Variants in AIM2 observed in about 807,000 individuals in gnomAD.
AIM2 encodes the protein absent in melanoma 2, also known as interferon-inducible protein AIM2.
AIM2 carries 30 observed loss-of-function variants against 27.7 expected under a neutral mutation model. The observed-to-expected ratio is 1.08, with a 90% CI of 0.81 to 1.47. The LOEUF is 1.47. Ranked by LOEUF, AIM2 falls within the 40% of genes most tolerant of loss-of-function variation. AIM2 has a pLI of 0.00. For synonymous variants in AIM2, 141 were observed against 145.3 expected (o/e 0.97, Z 0.21); for missense variants, 358 against 411.3 (o/e 0.87, Z 1.12).
chr1:159,062,757 C>T (rs755933596), intron 5 of AIM2, 39 bp from the exon 6 acceptor site: 4 of 1,596,154 alleles, frequency 2.5e-6, no homozygotes, highest in Middle Eastern at 1.7e-4. Context: ...GAGATGCAGT[C>T]GATGAGTGGC....
intron 1 of AIM2, among the ~76,000 whole-genome samples, chr1:159,096,518 G>T (rs777155739): frequency 6.6e-6 from 1 of 151,998 alleles, no homozygotes; most frequent in Non-Finnish European, 1.5e-5. Flanking sequence ...AAAATTTTAT[G>T]GATTTTGGTG....
At chr1:159,106,211 C>T (rs773737080) in intron 1 of AIM2, among the ~76,000 whole-genome samples, 10 of 152,158 alleles carry the variant, frequency 6.6e-5, no homozygotes, top group Non-Finnish European at 1.3e-4. Context: ...TGCAGCCATG[C>T]CCAGGGAGTG....
chr1:159,114,137 G>C (rs763408956), intron 1 of AIM2, among the ~76,000 whole-genome samples: 1 of 152,186 alleles, frequency 6.6e-6, no homozygotes, highest in Non-Finnish European at 1.5e-5. Context: ...TCACAACTTA[G>C]AGTAGTGGAC....
intron 1 of AIM2, among the ~76,000 whole-genome samples, chr1:159,104,484 T>C (rs1251103280): frequency 1.3e-5 from 2 of 152,250 alleles, no homozygotes; most frequent in Non-Finnish European, 2.9e-5. Context: ...CTAAATTCTA[T>C]GAAATCTATA....
At chr1:159,086,535 AC>A (rs538748022) in intron 1 of AIM2, among the ~76,000 whole-genome samples, 26 of 151,398 alleles carry the variant, frequency 1.7e-4, no homozygotes, top group African/African-American at 5.6e-4. Flanking sequence ...ATTCTTACTC[AC>A]CCCCAGGTCC....
At chr1:159,063,006 G>A (rs994417070) in intron 5 of AIM2, among the ~76,000 whole-genome samples, 4 of 152,168 alleles carry the variant, frequency 2.6e-5, no homozygotes, top group Admixed American at 2.6e-4. Context: ...ACCTGGGGAA[G>A]AGCACCAAGT....
At chr1:159,141,779 G>T (rs78838050), upstream of AIM2, among the ~76,000 whole-genome samples, 23 of 152,136 alleles carry the variant, frequency 1.5e-4, 1 homozygote, top group South Asian at 4.4e-3. Flanking sequence ...GAGCGGTGGG[G>T]GGGGACAGGG....
chr1:159,081,417 ATGC>A, upstream of AIM2: 1 of 380,278 alleles, frequency 2.6e-6, no homozygotes, highest in South Asian at 2.0e-5. Flanking sequence ...ACCTGAAATA[ATGC>A]TTGTCAGGAG....
chr1:159,068,421 T>G (rs1474417487), intron 3 of AIM2, 147 bp downstream of exon 3: 4 of 1,099,622 alleles, frequency 3.6e-6, no homozygotes, highest in Non-Finnish European at 5.0e-6. Flanking sequence ...GTAGTTCCTG[T>G]TTTTGTGACT....
chr1:159,107,306 A>ATG lies in AIM2; in HGVS notation c.-16+33123_-16+33124dup, dbSNP rs72077036. Among the ~76,000 whole-genome samples, 777 of 147,940 alleles carry ATG rather than the reference A, an allele frequency of 5.3e-3. 6 individuals are homozygous for ATG. The highest frequency in any genetic ancestry group is 9.3e-3 in the South Asian group (44 of 4,726). The stretch of plus-strand genomic sequence containing the variant: ...TAAATCAACAGATGTACATGTGTGT[A>ATG]TGTGTGTGTGTGTGTGTGTGTGTGT... On this transcript the variant is annotated intron_variant, in intron 1 of 2. Transcript: ENST00000368129.
At chr1:159,141,323 G>T (rs57077025), upstream of AIM2, among the ~76,000 whole-genome samples, 13,983 of 152,140 alleles carry the variant, frequency 0.092, 819 homozygotes, top group South Asian at 0.31. Flanking sequence ...TTCCGTCTTG[G>T]TCACTATGTG....
intron 2 of AIM2, among the ~76,000 whole-genome samples, chr1:159,069,733 T>C (rs1450913056): frequency 6.6e-6 from 1 of 152,066 alleles, no homozygotes; most frequent in African/African-American, 2.4e-5. Flanking sequence ...TTAGTAAAGA[T>C]GGGGTTTCAC....
At chr1:159,062,441 G>T (rs1655866948), downstream of AIM2, 1 of 537,940 alleles carries the variant, frequency 1.9e-6, no homozygotes, top group Non-Finnish European at 3.3e-6. Context: ...ATTTTCGCTT[G>T]AGACAAGGGA....
chr1:159,141,737 C>T (rs992801658), upstream of AIM2, among the ~76,000 whole-genome samples: 1 of 152,014 alleles, frequency 6.6e-6, no homozygotes, highest in African/African-American at 2.4e-5. Flanking sequence ...ATACCTTCTG[C>T]ATCACCGAGC....
At chr1:159,084,291 C>T (rs1656846756) in intron 1 of AIM2, among the ~76,000 whole-genome samples, 1 of 152,024 alleles carries the variant, frequency 6.6e-6, no homozygotes, top group Non-Finnish European at 1.5e-5. Flanking sequence ...GCAGGGCCTT[C>T]CCTCCTCCAA....
intron 1 of AIM2, among the ~76,000 whole-genome samples, chr1:159,109,464 TA>T (rs1657520366): frequency 6.6e-6 from 1 of 152,200 alleles, no homozygotes; most frequent in African/African-American, 2.4e-5. Flanking sequence ...TTCTAGAAGA[TA>T]ACATTGGAAA....
rs1656075621 is a variant in AIM2, at chr1:159,066,040, T to A, written c.686A>T (p.Asp229Val). ...LEVNSASRVL[D>V]AESDQKVNVP... ...ATTAACCTTTTGGTCAGATTCAGCA[T>A]CTAACACACGTGAGGCGCTATTTAC... Residue 229 changes from aspartate to valine, a missense_variant, in exon 4 of 6, where the codon GAT (aspartate) becomes GTT (valine). Asp to Val is a radical substitution (Grantham distance 152, BLOSUM62 -3). Coordinates refer to ENST00000368130, the MANE Select transcript of AIM2 (RefSeq NM_004833.3). 5.0e-6 allele frequency: 8 copies of A among 1,614,074 alleles called. No homozygotes were observed. The South Asian group carries it at 7.7e-5, about 16-fold the overall frequency.
rs376718646 is a variant in AIM2, at chr1:159,134,725, G to A, written c.-16+5706C>T. On this transcript the variant is annotated intron_variant, in intron 1 of 2. Transcript: ENST00000368129. ...CAGATGCCTGTAATCCCAGTTACTC[G>A]GGAGGCTGAGGCAGGAGAATCACTT... is the stretch of plus-strand genomic sequence containing the variant. Among the ~76,000 whole-genome samples, 57 of 152,266 alleles carry A rather than the reference G, an allele frequency of 3.7e-4. 1 individual carries two copies. The highest frequency in any genetic ancestry group is 6.8e-3 in the Middle Eastern group (2 of 294).
chr1:159,056,493 GCAGT>G, the AIM2 span, among the ~76,000 whole-genome samples: 2 of 151,956 alleles, frequency 1.3e-5, no homozygotes, highest in South Asian at 2.1e-4. Context: ...CGGCAAAACA[GCAGT>G]CAAAGTCCCT....
Sources: gnomAD v4.1 joint callset for allele counts (sites outside exome capture counted in the v4.1 genomes callset) on GRCh38, gnomAD v4.1.1 for gene constraint, MANE v1.5 for transcripts, NCBI Gene and HGNC (gene_info 2026-07-23, HGNC 2026-07-21) for gene names.